The following GFOD1 variants were observed in gnomAD, a reference collection of about 807,000 sequenced individuals.
GFOD1 encodes Gfo/Idh/MocA-like oxidoreductase domain containing 1, also known as glucose-fructose oxidoreductase domain-containing protein 1.
In GFOD1, 9 loss-of-function variants were observed where a neutral mutation model predicts 25.4. The observed-to-expected ratio is 0.35, with a 90% CI of 0.21 to 0.62. GFOD1 has a LOEUF of 0.62. Ranked by LOEUF, GFOD1 falls within the 20% of genes least tolerant of loss-of-function variation. GFOD1 has a pLI of 0.72. For synonymous variants in GFOD1, 253 were observed against 245.6 expected, an observed-to-expected ratio of 1.03 and a Z score of -0.28; for missense variants, 403 against 556.9, an observed-to-expected ratio of 0.72 and a Z score of 2.78.
At chr6:13,468,981 C>T (rs1259959821) in intron 1 of GFOD1, among the ~76,000 whole-genome samples, 1 of 152,256 alleles carries the variant, frequency 6.6e-6, no homozygotes, top group Non-Finnish European at 1.5e-5. Flanking sequence ...GCCCTTGCTA[C>T]TGCTGTCTGA....
chr6:13,459,725 T>C (rs1758259259), intron 1 of GFOD1, among the ~76,000 whole-genome samples: 1 of 152,236 alleles, frequency 6.6e-6, no homozygotes, highest in Non-Finnish European at 1.5e-5. Flanking sequence ...AGGACATTTA[T>C]GCAGCCAACA....
chr6:13,400,149 T>A (rs192914982), intron 1 of GFOD1, among the ~76,000 whole-genome samples: 225 of 152,186 alleles, frequency 1.5e-3, no homozygotes, highest in African/African-American at 5.1e-3. Flanking sequence ...AAAATAGACA[T>A]AGTGCAGGCC....
At chr6:13,420,512 GA>G (rs1786238184) in intron 1 of GFOD1, among the ~76,000 whole-genome samples, 1 of 152,216 alleles carries the variant, frequency 6.6e-6, no homozygotes, top group Admixed American at 6.5e-5. Flanking sequence ...AGGGGAAAGA[GA>G]AAAGCTGTCA....
chr6:13,453,594 C>T (rs911107682), intron 1 of GFOD1, among the ~76,000 whole-genome samples: 4 of 152,182 alleles, frequency 2.6e-5, no homozygotes, highest in Non-Finnish European at 5.9e-5. Context: ...CTCAATAAAA[C>T]TATATTCCCA....
Position 13,470,411 on chromosome 6 carries a change from G to A in GFOD1, c.253+16227C>T, listed in dbSNP as rs749162171. 7.7e-6 allele frequency: 12 copies of A among 1,549,584 alleles called. No homozygotes were observed. In the East Asian group the frequency reaches 2.7e-4, roughly 35 times the overall value. ...GAAAGCCAGGCTGCCTCTGTGCCCT[G>A]GATGTGAACGGCTGTGCATATTAAG... is the stretch of plus-strand genomic sequence containing the variant. On this transcript the variant is annotated intron_variant, in intron 1 of 1. Transcript: ENST00000379287.
At chr6:13,389,073 C>T (rs1000887489) in intron 1 of GFOD1, among the ~76,000 whole-genome samples, 4 of 152,332 alleles carry the variant, frequency 2.6e-5, no homozygotes, top group East Asian at 3.9e-4. Flanking sequence ...GATACCATCT[C>T]ACACCAGTTA....
chr6:13,365,699 G>A lies in GFOD1; in HGVS notation c.254-37C>T. ...AGGAAGACAGCGGTCAGCGGGGCAG[G>A]ACCATGTCCGAGCGCGCGTCCCTGG... On this transcript the variant is annotated intron_variant, in intron 1 of 1. Coordinates refer to ENST00000379287, the MANE Select transcript of GFOD1 (RefSeq NM_018988.4). This position sits in a 1 kb window ranked among gnomAD's most constrained non-coding sequence, Gnocchi z 9.2. 4.2e-6 allele frequency: 6 copies of A among 1,425,324 alleles called. No individual in the cohort carries two copies. The highest frequency in any genetic ancestry group is 1.8e-4 in the Middle Eastern group (1 of 5,644). The allele number at this position is 1,425,324 out of a possible 1,614,324, so 88.3% of individuals were successfully genotyped here. A position where few individuals can be genotyped will look rare whatever the true frequency, so the allele number is the denominator to read the frequency against.
chr6:13,473,121 C>T (rs977855724), intron 1 of GFOD1, among the ~76,000 whole-genome samples: 1 of 152,186 alleles, frequency 6.6e-6, no homozygotes, highest in Non-Finnish European at 1.5e-5. Flanking sequence ...GAGGCATGTC[C>T]ACATGTCATA....
chr6:13,398,882 G>A (rs987390376), intron 1 of GFOD1, among the ~76,000 whole-genome samples: 2 of 152,198 alleles, frequency 1.3e-5, no homozygotes, highest in African/African-American at 4.8e-5. Context: ...TATTGACAAG[G>A]ACGCCACAGA....
At chr6:13,443,761 A>C (rs1228820261) in intron 1 of GFOD1, among the ~76,000 whole-genome samples, 2 of 150,650 alleles carry the variant, frequency 1.3e-5, no homozygotes, top group African/African-American at 4.9e-5. Flanking sequence ...GGTTGCAGTG[A>C]GCAGAAATTG....
intron 1 of GFOD1, among the ~76,000 whole-genome samples, chr6:13,461,401 C>G (rs549128397): frequency 6.6e-6 from 1 of 152,332 alleles, no homozygotes; most frequent in Non-Finnish European, 1.5e-5. Context: ...CAGACCCTTG[C>G]TCCAATGCCA....
In GFOD1 at chr6:13,364,664, T is replaced by A; in HGVS notation, c.*79A>T. The A allele has an allele frequency of 1.7e-6, 2 of 1,208,634 alleles. No homozygotes were observed. Among genetic ancestry groups the A allele is most frequent in the Middle Eastern group, 2.3e-4 (1 of 4,430 alleles). 74.9% of individuals were successfully genotyped at this position (1,208,634 alleles called of 1,614,324 possible). Reference sequence around the variant, plus strand: ...TCCCTGATCCCCACATTCCCCATGGTCACCCTCTCCCCTCGGCCCTTCCCT... The same window carrying A: ...TCCCTGATCCCCACATTCCCCATGGACACCCTCTCCCCTCGGCCCTTCCCT... On this transcript the variant is annotated 3_prime_UTR_variant, in exon 2 of 2. Coordinates refer to ENST00000379287, the MANE Select transcript of GFOD1 (RefSeq NM_018988.4). This position sits in a 1 kb window ranked among gnomAD's most constrained non-coding sequence, Gnocchi z 4.1.
At chr6:13,405,691 A>G (rs1357531563) in intron 1 of GFOD1, among the ~76,000 whole-genome samples, 1 of 152,206 alleles carries the variant, frequency 6.6e-6, no homozygotes, top group Non-Finnish European at 1.5e-5. Context: ...TGGCTATAGT[A>G]AAGTTTGAGA....
At chr6:13,486,360 G>T in intron 1 of GFOD1, 2 of 538,084 alleles carry the variant, frequency 3.7e-6, no homozygotes, top group Non-Finnish European at 6.6e-6. Flanking sequence ...TTCCTAGTTC[G>T]GATCCCCGGA....
rs774976640 is a variant in GFOD1, at chr6:13,387,813, G to T, written c.254-22151C>A. On this transcript the variant is annotated intron_variant, in intron 1 of 1. Coordinates refer to ENST00000379287, the MANE Select transcript of GFOD1 (RefSeq NM_018988.4). ...AATAAAGGATATTCTATTAGGAAAAGAGGAAGTCAAATTGTCTCTGTTTGC... is the reference window on the plus strand; with the variant it reads ...AATAAAGGATATTCTATTAGGAAAATAGGAAGTCAAATTGTCTCTGTTTGC... Among the ~76,000 whole-genome samples the T allele has an allele frequency of 2.0e-4, 31 of 152,334 alleles. No individual in the cohort carries two copies. The Middle Eastern group carries it at 0.01, about 50-fold the overall frequency.
At chr6:13,406,596 T>C (rs182378700) in intron 1 of GFOD1, among the ~76,000 whole-genome samples, 5 of 152,314 alleles carry the variant, frequency 3.3e-5, no homozygotes, top group African/African-American at 1.2e-4. Flanking sequence ...TCCAGGAATA[T>C]TTTCCATCTC....
chr6:13,434,944 A>C (rs533174435), intron 1 of GFOD1, among the ~76,000 whole-genome samples: 2 of 152,312 alleles, frequency 1.3e-5, no homozygotes, highest in South Asian at 4.1e-4. Context: ...TCACTGCAGA[A>C]ACTCACACAT....
intron 1 of GFOD1, among the ~76,000 whole-genome samples, chr6:13,421,449 A>G (rs1371545281): frequency 1.3e-5 from 2 of 152,200 alleles, no homozygotes; most frequent in Non-Finnish European, 2.9e-5. Context: ...AGCTGTGATC[A>G]CACCACTGCA....
intron 1 of GFOD1, among the ~76,000 whole-genome samples, chr6:13,368,181 C>G (rs1439246621): frequency 6.6e-6 from 1 of 152,236 alleles, no homozygotes; most frequent in Non-Finnish European, 1.5e-5. Flanking sequence ...AAAGGAAATA[C>G]AAACCATGGC....
Sources: allele counts gnomAD v4.1 joint callset (sites outside exome capture counted in the v4.1 genomes callset), GRCh38; gene constraint gnomAD v4.1.1; non-coding constraint Gnocchi (gnomAD v3.1); transcripts MANE v1.5; gene names NCBI Gene and HGNC (gene_info 2026-07-23, HGNC 2026-07-21).